ANO1: variants seen among roughly 807,000 people sequenced by gnomAD.
The protein encoded by ANO1 is anoctamin 1, also known as anoctamin-1.
Under a neutral mutation model 124.0 loss-of-function variants are expected in ANO1, and 59 were observed. The observed-to-expected ratio is 0.48, with a 90% CI of 0.39 to 0.59. The LOEUF (loss-of-function observed/expected upper bound fraction) is 0.59. Ranked by LOEUF, ANO1 falls within the 20% of genes least tolerant of loss-of-function variation. The pLI, the probability that ANO1 is intolerant of heterozygous loss-of-function variation, is 0.00. For synonymous variants in ANO1, 529 were observed against 532.0 expected (o/e 0.99, Z 0.08); for missense variants, 1,059 against 1,328.0 (o/e 0.80, Z 3.15).
intron 8 of ANO1, among the ~76,000 whole-genome samples, chr11:70,119,855 T>C (rs1166093988): frequency 1.3e-5 from 2 of 150,882 alleles, no homozygotes; most frequent in Admixed American, 1.3e-4. Flanking sequence ...GGATAGATGA[T>C]GGAGGGATGA....
intron 2 of ANO1, among the ~76,000 whole-genome samples, chr11:70,089,999 G>GTTGGTTTT (rs2044560312): frequency 5.8e-4 from 1 of 1,734 alleles, no homozygotes; most frequent in African/African-American, 1.3e-3. Context: ...GGGTTTGTTT[G>GTTGGTTTT]TTTGTTTGTT....
upstream of ANO1, among the ~76,000 whole-genome samples, chr11:69,980,982 G>T (rs1447706026): frequency 2.0e-5 from 3 of 152,178 alleles, no homozygotes; most frequent in African/African-American, 7.2e-5. Context: ...AACCCGGGAG[G>T]TGGAGGTTGC....
chr11:70,026,134 A>G (rs1323289653), intron 1 of ANO1, among the ~76,000 whole-genome samples: 7 of 93,680 alleles, frequency 7.5e-5, no homozygotes, highest in East Asian at 4.2e-4. Context: ...TGCTGGTGGT[A>G]GTGGTGATGA....
intron 1 of ANO1, among the ~76,000 whole-genome samples, chr11:70,082,850 C>T (rs1809314153): frequency 2.0e-5 from 3 of 152,208 alleles, no homozygotes; most frequent in Admixed American, 2.0e-4. Flanking sequence ...TCTCTCCAAG[C>T]CCAGCTCAGG....
At chr11:69,986,069 C>T (rs1040045104) in exon 1 of ANO1, 2 of 152,238 alleles carry the variant, frequency 1.3e-5, no homozygotes, top group African/African-American at 2.4e-5. Flanking sequence ...TCTGGACTCG[C>T]TAGGTCCCGG....
At chr11:70,000,189 G>A (rs1856355064) in intron 1 of ANO1, among the ~76,000 whole-genome samples, 2 of 152,124 alleles carry the variant, frequency 1.3e-5, no homozygotes, top group Non-Finnish European at 2.9e-5. Flanking sequence ...AAAAATGAAC[G>A]GAGAGGTTTT....
At chr11:70,181,778 G>GA (rs537090488) in intron 23 of ANO1, among the ~76,000 whole-genome samples, 19,828 of 139,454 alleles carry the variant, frequency 0.14, 1,429 homozygotes, top group Middle Eastern at 0.2. Context: ...CTCTCTCTCT[G>GA]AAAAAAAAAA....
chr11:70,097,808 A>G (rs2045067165), intron 2 of ANO1, among the ~76,000 whole-genome samples: 2 of 152,192 alleles, frequency 1.3e-5, no homozygotes, highest in South Asian at 4.1e-4. Context: ...CTCAGTGGAC[A>G]TCACTGAGCC....
At chr11:70,049,243 G>A (rs751551058) in intron 1 of ANO1, among the ~76,000 whole-genome samples, 24 of 152,288 alleles carry the variant, frequency 1.6e-4, no homozygotes, top group Non-Finnish European at 2.6e-4. Flanking sequence ...GTCACCCACC[G>A]GAAACAGCAG....
At chr11:70,044,966 A>C (rs1555005409) in intron 1 of ANO1, among the ~76,000 whole-genome samples, 1 of 152,252 alleles carries the variant, frequency 6.6e-6, no homozygotes, top group Non-Finnish European at 1.5e-5. Context: ...GTCTTCAAAC[A>C]TAAAGAAATA....
chr11:70,187,144 C>T (rs1430916774), intron 25 of ANO1, among the ~76,000 whole-genome samples: 2 of 152,242 alleles, frequency 1.3e-5, no homozygotes, highest in Non-Finnish European at 2.9e-5. Flanking sequence ...GGACTGGGAG[C>T]ACCAACCAGG....
chr11:70,050,577 A>G (rs1410461544), intron 1 of ANO1, among the ~76,000 whole-genome samples: 1 of 152,060 alleles, frequency 6.6e-6, no homozygotes, highest in African/African-American at 2.4e-5. Context: ...CTGCTGCACC[A>G]CTGTTGGGGG....
chr11:69,993,707 G>A (rs1176794530), intron 1 of ANO1, among the ~76,000 whole-genome samples: 3 of 152,124 alleles, frequency 2.0e-5, no homozygotes, highest in Admixed American at 6.5e-5. Context: ...TGCATTTTTC[G>A]AATCTGTCCA....
chr11:70,074,722 G>T (rs2044035837), upstream of ANO1, among the ~76,000 whole-genome samples: 1 of 152,180 alleles, frequency 6.6e-6, no homozygotes. Flanking sequence ...ATTTTTAGTT[G>T]TCACACTGGG....
intron 24 of ANO1, among the ~76,000 whole-genome samples, chr11:70,182,970 G>C (rs527450180): frequency 1.3e-5 from 2 of 152,114 alleles, no homozygotes; most frequent in African/African-American, 4.8e-5. Context: ...ATAGCCGGGC[G>C]TTGTGGCACT....
chr11:69,984,398 G>T (rs545246767), upstream of ANO1, among the ~76,000 whole-genome samples: 22 of 74,006 alleles, frequency 3.0e-4, no homozygotes, highest in South Asian at 0.011. Context: ...GATCATTTCT[G>T]AGTCCGGACT....
intron 1 of ANO1, among the ~76,000 whole-genome samples, chr11:70,009,271 A>G (rs897069265): frequency 6.6e-6 from 1 of 152,104 alleles, no homozygotes; most frequent in Non-Finnish European, 1.5e-5. Flanking sequence ...CAGTCTACGA[A>G]TGTGGTTGTG....
At chr11:69,972,196 A>C in the ANO1 span, among the ~76,000 whole-genome samples, 2 of 151,580 alleles carry the variant, frequency 1.3e-5, no homozygotes, top group Non-Finnish European at 3.0e-5. Flanking sequence ...CAAAAAAAAA[A>C]AAAAAAAAAA....
intron 11 of ANO1, among the ~76,000 whole-genome samples, chr11:70,142,495 G>T (rs1277004479): frequency 2.0e-5 from 3 of 152,052 alleles, no homozygotes; most frequent in African/African-American, 7.2e-5. Flanking sequence ...CATCTCTGCC[G>T]AGCACTCTCG....
Sources: allele counts gnomAD v4.1 joint callset (sites outside exome capture counted in the v4.1 genomes callset), GRCh38; gene constraint gnomAD v4.1.1; transcripts MANE v1.5; gene names NCBI Gene and HGNC (gene_info 2026-07-23, HGNC 2026-07-21).